Variants in RSPH14 observed in about 807,000 individuals in gnomAD.
RSPH14 encodes radial spoke head 14 homolog.
Under a neutral mutation model 26.7 loss-of-function variants are expected in RSPH14, and 20 were observed. That is an observed-to-expected ratio of 0.75 (90% CI 0.53 to 1.09). The LOEUF (loss-of-function observed/expected upper bound fraction) is 1.09, where lower values mean the gene tolerates loss of function less well. Among genes scored for constraint, RSPH14 ranks in the 50% least tolerant of loss-of-function variants. The pLI is 0.00. For synonymous variants in RSPH14, 177 were observed against 189.3 expected, an observed-to-expected ratio of 0.93 and a Z score of 0.53; for missense variants, 449 against 457.2, an observed-to-expected ratio of 0.98 and a Z score of 0.16.
intron 4 of RSPH14, among the ~76,000 whole-genome samples, chr22:23,073,068 C>T (rs1012100153): frequency 6.6e-6 from 1 of 152,244 alleles, no homozygotes; most frequent in Non-Finnish European, 1.5e-5. Context: ...GGCTTCCTCC[C>T]CTGGAGGCAA....
the RSPH14 span, among the ~76,000 whole-genome samples, chr22:23,166,888 TG>T: frequency 3.9e-5 from 6 of 152,128 alleles, no homozygotes; most frequent in African/African-American, 1.2e-4. Context: ...GGGTGCCTCC[TG>T]GGGGAGTAGC....
upstream of RSPH14, chr22:23,146,472 A>G: frequency 7.3e-7 from 1 of 1,369,102 alleles, no homozygotes; most frequent in South Asian, 1.6e-5. Flanking sequence ...TTGGCCTCCC[A>G]AAGTGCTGGG....
At chr22:23,139,471 A>G (rs2070550539) in intron 2 of RSPH14, among the ~76,000 whole-genome samples, 1 of 152,144 alleles carries the variant, frequency 6.6e-6, no homozygotes, top group African/African-American at 2.4e-5. Flanking sequence ...AATACAAAAT[A>G]TTAGCCAGGC....
chr22:23,131,441 T>A (rs2070358714), intron 4 of RSPH14: 1 of 367,938 alleles, frequency 2.7e-6, no homozygotes, highest in African/African-American at 2.1e-5. Context: ...GTGCTTGGAC[T>A]GTACCTATGA....
chr22:23,145,209 C>T, upstream of RSPH14: 1 of 714,256 alleles, frequency 1.4e-6, no homozygotes, highest in Non-Finnish European at 2.3e-6. Flanking sequence ...TCAGCCCCAC[C>T]CAGGGCTCAG....
chr22:23,131,748 C>G, intron 4 of RSPH14: 1 of 699,720 alleles, frequency 1.4e-6, no homozygotes, highest in Non-Finnish European at 2.3e-6. Context: ...CCCTAATACC[C>G]CAGGGGCTCT....
Position 23,071,746 on chromosome 22 carries a change from T to TG in RSPH14, c.422-7614dup, listed in dbSNP as rs1380189277. On this transcript the variant is annotated intron_variant, in intron 4 of 6. Coordinates refer to ENST00000216036, the MANE Select transcript of RSPH14 (RefSeq NM_014433.3). The surrounding 1 kb of genome is among the most constrained non-coding windows in gnomAD (Gnocchi z 4.1). The stretch of plus-strand genomic sequence containing the variant: ...GGGACCTCAGAGTGGTGTCCTGGGC[T>TG]GGGGGGTCAGGTGAGCTCGTGGGCA... Among the ~76,000 whole-genome samples, 2 of 152,082 alleles carry TG rather than the reference T, an allele frequency of 1.3e-5. No homozygotes were observed. Among genetic ancestry groups the TG allele is most frequent in the East Asian group, 1.9e-4 (1 of 5,198 alleles).
the RSPH14 span, chr22:23,161,897 A>T: frequency 3.2e-6 from 1 of 311,688 alleles, no homozygotes; most frequent in Non-Finnish European, 6.1e-6. Flanking sequence ...AGAACTGCAA[A>T]CTCCTGCGTC....
At chr22:23,091,060 A>G (rs1415929452) in intron 4 of RSPH14, among the ~76,000 whole-genome samples, 3 of 152,212 alleles carry the variant, frequency 2.0e-5, no homozygotes, top group Non-Finnish European at 4.4e-5. Flanking sequence ...AGGATGCCAC[A>G]TGCAACCACA....
chr22:23,162,293 A>G, the RSPH14 span: 1 of 250,224 alleles, frequency 4.0e-6, no homozygotes, highest in Non-Finnish European at 8.0e-6. Flanking sequence ...ACAACCACTC[A>G]GGCCTTTCTG....
intron 5 of RSPH14, 147 bp from the exon 6 acceptor site, chr22:23,062,092 G>T: frequency 1.0e-6 from 1 of 979,918 alleles, no homozygotes; most frequent in South Asian, 1.6e-5. Flanking sequence ...ATCCAGGACT[G>T]GTCATGGCAG....
chr22:23,138,891 C>T lies in RSPH14; in HGVS notation c.251G>A (p.Arg84His), dbSNP rs199604021. 3.7e-5 allele frequency: 58 copies of T among 1,550,728 alleles called. No homozygotes were observed. Among genetic ancestry groups the T allele is most frequent in the Middle Eastern group, 1.7e-4 (1 of 5,992 alleles). The change falls in exon 3 of 7, where the codon CGC becomes CAC. Residue 84 changes from arginine (R) to histidine (H), a missense_variant. Physicochemically the swap from Arg to His is conservative, Grantham distance 29. Coordinates refer to ENST00000216036, the MANE Select transcript of RSPH14 (RefSeq NM_014433.3). ...ALLKDSNSMV[R>H]IKTTEVLHIT... is the part of the protein sequence containing the mutation. ...GTGGAGCACCTCGGTGGTCTTTATG[C>T]GCACCATACTGTTGCTATCCTTCAG... is the stretch of plus-strand genomic sequence containing the variant.
intron 4 of RSPH14, among the ~76,000 whole-genome samples, chr22:23,099,442 C>T (rs2069230725): frequency 6.6e-6 from 1 of 152,382 alleles, no homozygotes; most frequent in East Asian, 1.9e-4. Context: ...CCAGCTGGGG[C>T]TTCCTCAGGC....
the RSPH14 span, chr22:23,153,016 TTCC>T: frequency 6.3e-7 from 1 of 1,595,772 alleles, no homozygotes; most frequent in Non-Finnish European, 8.6e-7. Flanking sequence ...CTGTGACGAC[TTCC>T]TCATCCCCCA....
At chr22:23,107,474 C>T (rs1368108746) in intron 4 of RSPH14, among the ~76,000 whole-genome samples, 1 of 152,198 alleles carries the variant, frequency 6.6e-6, no homozygotes, top group Non-Finnish European at 1.5e-5. Flanking sequence ...CTGAGAGTGT[C>T]TGAGGACAGG....
chr22:23,061,765 G>T, intron 6 of RSPH14, 44 bp downstream of exon 6: 1 of 1,610,012 alleles, frequency 6.2e-7, no homozygotes. Flanking sequence ...ACGGCTGCTA[G>T]CCTGCTAGGG....
At chr22:23,105,777 G>A (rs1190276815) in intron 4 of RSPH14, among the ~76,000 whole-genome samples, 1 of 152,242 alleles carries the variant, frequency 6.6e-6, no homozygotes, top group Non-Finnish European at 1.5e-5. Flanking sequence ...CTGGTGGGGA[G>A]CAGGGGTGCA....
At chr22:23,145,415 C>A, upstream of RSPH14, 1 of 1,610,392 alleles carries the variant, frequency 6.2e-7, no homozygotes, top group East Asian at 2.2e-5. Context: ...GCTGCCAGTC[C>A]AACGCAGACC....
intron 5 of RSPH14, among the ~76,000 whole-genome samples, chr22:23,062,650 T>A (rs1034704372): frequency 1.3e-5 from 2 of 152,192 alleles, no homozygotes; most frequent in Non-Finnish European, 2.9e-5. Flanking sequence ...AGGTGTTCCC[T>A]GGGAACACAG....
Sources: gnomAD v4.1 joint callset for allele counts (sites outside exome capture counted in the v4.1 genomes callset) on GRCh38, gnomAD v4.1.1 for gene constraint, Gnocchi (gnomAD v3.1) non-coding constraint, MANE v1.5 for transcripts, NCBI Gene and HGNC (gene_info 2026-07-23, HGNC 2026-07-21) for gene names.